Variants in GOLM2 observed in about 807,000 individuals in gnomAD.
GOLM2 encodes the protein golgi membrane protein 2, also known as protein GOLM2.
A neutral mutation model predicts 55.9 loss-of-function variants in GOLM2; 26 were observed. That is an observed-to-expected ratio of 0.47 (90% CI 0.34 to 0.65). GOLM2 has a LOEUF of 0.65. GOLM2 is among the 30% of genes least tolerant of loss of function. The pLI is 0.01. For synonymous variants in GOLM2, 165 were observed against 194.6 expected (o/e 0.85, Z 1.27); for missense variants, 486 against 531.8 (o/e 0.91, Z 0.85).
intron 1 of GOLM2, among the ~76,000 whole-genome samples, chr15:44,298,430 ATT>A (rs1233048546): frequency 1.3e-4 from 17 of 133,146 alleles, no homozygotes; most frequent in Non-Finnish European, 1.6e-4. Context: ...TGGCCGGCTA[ATT>A]TTTTTTTTTT....
intron 8 of GOLM2, among the ~76,000 whole-genome samples, chr15:44,389,781 C>T (rs1251853981): frequency 1.3e-5 from 2 of 152,136 alleles, no homozygotes; most frequent in Admixed American, 1.3e-4. Flanking sequence ...TCCTTGGGCT[C>T]AAGGGATCAT....
chr15:44,336,172 A>G (rs1043777426), intron 4 of GOLM2, among the ~76,000 whole-genome samples: 3 of 147,420 alleles, frequency 2.0e-5, no homozygotes, highest in East Asian at 2.0e-4. Context: ...GCTGGAGTGC[A>G]GTGGTGCCAT....
In GOLM2 at chr15:44,337,804, G is replaced by T. The variant is rs1370681344; in HGVS notation, c.618G>T (p.Leu206Phe). The change falls in exon 5 of 10, where the codon TTG becomes TTT. Residue 206 changes from leucine (L) to phenylalanine (F), a missense_variant. By Grantham distance (22) the Leu-to-Phe change is conservative. Coordinates refer to ENST00000299957, the MANE Select transcript of GOLM2 (RefSeq NM_138423.4). ...TTCAATCAAATGATGGAAAGGAATTGGATATAAACAATCAAGTAGTACCTA... is the reference window on the plus strand; with the variant it reads ...TTCAATCAAATGATGGAAAGGAATTTGATATAAACAATCAAGTAGTACCTA... ...QKIQSNDGKE[L>F]DINNQVVPKN... 6.3e-7 allele frequency: 1 copy of T among 1,594,758 alleles called. No homozygotes were observed. Among genetic ancestry groups the T allele is most frequent in the South Asian group, 1.2e-5 (1 of 86,348 alleles).
At chr15:44,379,346 G>C (rs185402011) in intron 6 of GOLM2, among the ~76,000 whole-genome samples, 1 of 152,016 alleles carries the variant, frequency 6.6e-6, no homozygotes, top group African/African-American at 2.4e-5. Context: ...GCGTGGTGGC[G>C]AGCGCCTATA....
At chr15:44,368,761 A>G (rs1359440569) in intron 6 of GOLM2, among the ~76,000 whole-genome samples, 1 of 151,452 alleles carries the variant, frequency 6.6e-6, no homozygotes, top group Non-Finnish European at 1.5e-5. Context: ...ATATATATAT[A>G]AACAGTTGTT....
chr15:44,356,174 GA>G (rs200417914), intron 6 of GOLM2, among the ~76,000 whole-genome samples: 138 of 138,544 alleles, frequency 1.0e-3, no homozygotes, highest in Non-Finnish European at 1.4e-3. Flanking sequence ...TTAGGAAATT[GA>G]AAAAAAAAAG....
intron 8 of GOLM2, among the ~76,000 whole-genome samples, chr15:44,390,940 C>T (rs1255172177): frequency 6.6e-6 from 1 of 152,136 alleles, no homozygotes. Context: ...CCAAAGGCCC[C>T]ATCTCTTAAT....
chr15:44,311,091 A>G (rs987627148), intron 1 of GOLM2, among the ~76,000 whole-genome samples: 3 of 152,214 alleles, frequency 2.0e-5, no homozygotes, highest in Non-Finnish European at 4.4e-5. Context: ...TTAAAAGAAC[A>G]TATGACTAAA....
chr15:44,318,720 A>AG (rs1343101731), intron 1 of GOLM2, among the ~76,000 whole-genome samples: 1 of 152,098 alleles, frequency 6.6e-6, no homozygotes, highest in East Asian at 1.9e-4. Flanking sequence ...AAAAAAAAAA[A>AG]AAAAAATTGG....
chr15:44,407,813 G>A (rs954313662), intron 9 of GOLM2, among the ~76,000 whole-genome samples: 1 of 148,190 alleles, frequency 6.7e-6, no homozygotes, highest in Non-Finnish European at 1.5e-5. Flanking sequence ...GTACAATGGC[G>A]TAATCTCAGC....
At chr15:44,328,335 G>A (rs767047238) in intron 2 of GOLM2, among the ~76,000 whole-genome samples, 23 of 152,224 alleles carry the variant, frequency 1.5e-4, no homozygotes, top group Admixed American at 3.3e-4. Flanking sequence ...AAAATTAGCC[G>A]GATGTGGTGT....
At chr15:44,386,900 T>C (rs1229081362) in intron 8 of GOLM2, among the ~76,000 whole-genome samples, 1 of 150,692 alleles carries the variant, frequency 6.6e-6, no homozygotes, top group Non-Finnish European at 1.5e-5. Context: ...ATTGGCCGAG[T>C]GCGGTGGCTC....
chr15:44,330,698 C>T (rs2079017532), intron 3 of GOLM2, among the ~76,000 whole-genome samples: 1 of 151,944 alleles, frequency 6.6e-6, no homozygotes, highest in Admixed American at 6.6e-5. Flanking sequence ...GCCTGCACTC[C>T]AGTCTGGGCA....
At position 44,344,368 on chromosome 15, in the gene GOLM2, G is replaced by C. The variant is rs148740997; in HGVS notation, c.802+6051G>C. On this transcript the variant is annotated intron_variant, in intron 6 of 9. Coordinates refer to ENST00000299957, the MANE Select transcript of GOLM2 (RefSeq NM_138423.4). ...TGCCTAGGGTTAGCATTTTGTTTCAGCTTCTCAGCTCCCAAAGCCATACAG... is the reference window on the plus strand; with the variant it reads ...TGCCTAGGGTTAGCATTTTGTTTCACCTTCTCAGCTCCCAAAGCCATACAG... Among the ~76,000 whole-genome samples, 30 of 151,086 alleles carry C rather than the reference G, an allele frequency of 2.0e-4. No individual in the cohort carries two copies. The East Asian group carries it at 5.1e-3, about 25-fold the overall frequency.
At chr15:44,304,617 A>G (rs1047724928) in intron 1 of GOLM2, among the ~76,000 whole-genome samples, 8 of 151,238 alleles carry the variant, frequency 5.3e-5, no homozygotes, top group African/African-American at 1.7e-4. Context: ...GCAGTGGTGC[A>G]ATCACAGCTC....
chr15:44,400,573 C>T (rs775464350), intron 8 of GOLM2, among the ~76,000 whole-genome samples: 3 of 140,240 alleles, frequency 2.1e-5, no homozygotes, highest in African/African-American at 8.0e-5. Context: ...CGCCTTGCCG[C>T]CTTTTTTTTT....
chr15:44,356,759 C>G (rs912920501), intron 6 of GOLM2, among the ~76,000 whole-genome samples: 1 of 152,192 alleles, frequency 6.6e-6, no homozygotes, highest in Non-Finnish European at 1.5e-5. Flanking sequence ...AAAGACACTA[C>G]TACAGACCAA....
chr15:44,343,927 T>G (rs1295792709), intron 6 of GOLM2, among the ~76,000 whole-genome samples: 1 of 151,756 alleles, frequency 6.6e-6, no homozygotes, highest in Non-Finnish European at 1.5e-5. Flanking sequence ...TACTAGAAAT[T>G]ATGGTAGAGC....
Position 44,379,697 on chromosome 15 carries a change from G to T in GOLM2, c.810G>T (p.Arg270Ser). 6.5e-7 allele frequency: 1 copy of T among 1,529,340 alleles called. No homozygotes were observed. The highest frequency in any genetic ancestry group is 8.9e-7 in the Non-Finnish European group (1 of 1,122,244). The allele number at this position is 1,529,340 out of a possible 1,614,324, so 94.7% of individuals were successfully genotyped here. A position where few individuals can be genotyped will look rare whatever the true frequency, so the allele number is the denominator to read the frequency against. Residue 270 changes from arginine (R) to serine (S), a missense_variant, in exon 7 of 10, where the codon AGG becomes AGT. Arg to Ser is a moderately radical substitution (Grantham distance 110). Transcript: ENST00000299957. ...TTATTTTTTTTCTTCTAGCTTTAAG[G>T]AAGCCTCCTATTTCAGTTTCTCAAC... ...AKVDDLPPAL[R>S]KPPISVSQHE... is the part of the protein sequence containing the mutation.
Sources: allele counts gnomAD v4.1 joint callset (sites outside exome capture counted in the v4.1 genomes callset), GRCh38; gene constraint gnomAD v4.1.1; transcripts MANE v1.5; gene names NCBI Gene and HGNC (gene_info 2026-07-23, HGNC 2026-07-21).